Variants in SAMD5 observed in about 807,000 individuals in gnomAD.
SAMD5 encodes the protein sterile alpha motif domain-containing protein 5.
Under a neutral mutation model 11.3 loss-of-function variants are expected in SAMD5, and 13 were observed. The observed-to-expected ratio is 1.15, with a 90% CI of 0.75 to 1.83. SAMD5 has a LOEUF of 1.83. Ranked by LOEUF, SAMD5 falls within the 40% of genes most tolerant of loss-of-function variation. SAMD5 has a pLI of 0.00. For missense variants in SAMD5, 255 were observed against 239.1 expected (o/e 1.07, Z -0.44); for synonymous variants, 129 against 111.3 (o/e 1.16, Z -1.00).
At chr6:147,760,737 TG>T in the SAMD5 span, among the ~76,000 whole-genome samples, 2 of 152,214 alleles carry the variant, frequency 1.3e-5, no homozygotes, top group African/African-American at 4.8e-5. Context: ...AGAAGTGATC[TG>T]AGGAGGTTTG....
chr6:147,646,008 GTCTATGTATCTATCTATGTATCTA>G (rs72226236), intron 1 of SAMD5, among the ~76,000 whole-genome samples: 46,411 of 144,976 alleles, frequency 0.32, 7,589 homozygotes, highest in Middle Eastern at 0.39. Flanking sequence ...CTGTCTGTCT[GTCTATGTATCTATCTATGTATCTA>G]TCTATCTATC....
chr6:147,524,755 C>T (rs1429217853), intron 1 of SAMD5, among the ~76,000 whole-genome samples: 4 of 151,990 alleles, frequency 2.6e-5, no homozygotes, highest in Non-Finnish European at 5.9e-5. Context: ...TTGGTGGTCT[C>T]GTCAGATATA....
the SAMD5 span, among the ~76,000 whole-genome samples, chr6:147,891,915 C>A: frequency 1.3e-5 from 2 of 152,168 alleles, no homozygotes; most frequent in South Asian, 4.1e-4. Flanking sequence ...TGGCTGTAGC[C>A]CTCCTGCAGA....
At chr6:147,756,373 T>G in the SAMD5 span, among the ~76,000 whole-genome samples, 1 of 152,136 alleles carries the variant, frequency 6.6e-6, no homozygotes. Context: ...TTGATTTGGA[T>G]CCTGGGGATG....
chr6:147,796,285 G>A, the SAMD5 span, among the ~76,000 whole-genome samples: 7 of 151,572 alleles, frequency 4.6e-5, no homozygotes, highest in Non-Finnish European at 7.4e-5. Flanking sequence ...TTCTACATAT[G>A]GCTAGCCAGT....
the SAMD5 span, among the ~76,000 whole-genome samples, chr6:147,870,048 C>CT: frequency 3.9e-5 from 6 of 152,046 alleles, no homozygotes; most frequent in Non-Finnish European, 7.4e-5. Context: ...TTTTTACATT[C>CT]TTTTTTAAAA....
rs546162656 is a variant in SAMD5 at position 147,565,440 on chromosome 6, C to A, written c.*984C>A. 29 of 979,838 alleles carry A rather than the reference C, an allele frequency of 3.0e-5. No homozygotes were observed. The highest frequency in any genetic ancestry group is 3.3e-5 in the Non-Finnish European group (27 of 826,796). The allele number at this position is 979,838 out of a possible 1,614,324, so 60.7% of individuals were successfully genotyped here. On this transcript the variant is annotated 3_prime_UTR_variant, in exon 2 of 2. Transcript: ENST00000367474. ...GTTTTTCTAATTCTTATCGTCTTAT[C>A]GTTCTTGTGTTTGGATGCTGGTAGT...
chr6:147,510,735 GCT>G (rs2128438827), intron 1 of SAMD5, among the ~76,000 whole-genome samples: 1 of 152,312 alleles, frequency 6.6e-6, no homozygotes, highest in East Asian at 1.9e-4. Flanking sequence ...CAGATCACCT[GCT>G]TGACCATGTT....
chr6:147,814,322 T>G, the SAMD5 span, among the ~76,000 whole-genome samples: 1 of 152,222 alleles, frequency 6.6e-6, no homozygotes, highest in East Asian at 1.9e-4. Flanking sequence ...TTCACGCATA[T>G]TCAAATGCAA....
intron 1 of SAMD5, among the ~76,000 whole-genome samples, chr6:147,712,703 A>G (rs959455519): frequency 6.6e-6 from 1 of 152,084 alleles, no homozygotes; most frequent in African/African-American, 2.4e-5. Flanking sequence ...TGGAAAGGCT[A>G]TGGGAGCACA....
chr6:147,808,242 AC>A, the SAMD5 span, among the ~76,000 whole-genome samples: 1 of 152,220 alleles, frequency 6.6e-6, no homozygotes, highest in Non-Finnish European at 1.5e-5. Flanking sequence ...TCACTCTGTC[AC>A]CCAGGCTGGA....
intron 1 of SAMD5, chr6:147,676,057 T>C (rs1182334897): frequency 1.3e-5 from 2 of 152,202 alleles, no homozygotes; most frequent in African/African-American, 4.8e-5. Context: ...TAATTGAAGT[T>C]TGTCATCTTT....
At chr6:147,897,019 G>A in the SAMD5 span, among the ~76,000 whole-genome samples, 1 of 152,076 alleles carries the variant, frequency 6.6e-6, no homozygotes, top group Non-Finnish European at 1.5e-5. Context: ...GTGGGATCGG[G>A]GGAAGTGACT....
intron 1 of SAMD5, among the ~76,000 whole-genome samples, chr6:147,689,418 CT>C (rs142480068): frequency 0.11 from 17,445 of 152,218 alleles, 1,091 homozygotes; most frequent in Middle Eastern, 0.16. Context: ...ATGAATCTCT[CT>C]GAGTATCATT....
the SAMD5 span, among the ~76,000 whole-genome samples, chr6:147,808,805 C>T: frequency 2.6e-5 from 4 of 152,006 alleles, no homozygotes; most frequent in Non-Finnish European, 5.9e-5. Flanking sequence ...AGCAGTTCTG[C>T]TTGTGTCAGC....
intron 1 of SAMD5, among the ~76,000 whole-genome samples, chr6:147,674,138 C>T (rs1790832296): frequency 1.3e-5 from 2 of 152,078 alleles, no homozygotes; most frequent in South Asian, 4.1e-4. Context: ...AAAAGGGGGA[C>T]AGGGGCTGTC....
chr6:147,838,974 A>G, the SAMD5 span, among the ~76,000 whole-genome samples: 1 of 152,226 alleles, frequency 6.6e-6, no homozygotes, highest in African/African-American at 2.4e-5. Context: ...AATAAATCAC[A>G]GTTTTTGGTA....
At chr6:147,910,141 G>A in the SAMD5 span, among the ~76,000 whole-genome samples, 2 of 151,982 alleles carry the variant, frequency 1.3e-5, no homozygotes, top group African/African-American at 4.8e-5. Context: ...TTTTTTTAAT[G>A]TTCTCAATGA....
At chr6:147,818,642 A>G in the SAMD5 span, among the ~76,000 whole-genome samples, 1 of 152,144 alleles carries the variant, frequency 6.6e-6, no homozygotes, top group Non-Finnish European at 1.5e-5. Context: ...GAAAATCACT[A>G]ATTGTAGGTG....
Sources: allele counts gnomAD v4.1 joint callset (sites outside exome capture counted in the v4.1 genomes callset), GRCh38; gene constraint gnomAD v4.1.1; transcripts MANE v1.5; gene names NCBI Gene and HGNC (gene_info 2026-07-23, HGNC 2026-07-21).